Variants in ECRG4 observed in about 807,000 individuals in gnomAD.
The protein encoded by ECRG4 is augurin.
ECRG4 carries 18 observed loss-of-function variants against 15.8 expected under a neutral mutation model. The ratio of observed to expected loss-of-function variants is 1.14; its 90% CI spans 0.79 to 1.69. The LOEUF is 1.69. ECRG4 is among the 40% of genes most tolerant of loss of function. The pLI, the probability that ECRG4 is intolerant of heterozygous loss-of-function variation, is 0.00. For missense variants in ECRG4, 200 were observed against 190.9 expected, an observed-to-expected ratio of 1.05 and a Z score of -0.28; for synonymous variants, 82 against 73.9, an observed-to-expected ratio of 1.11 and a Z score of -0.56.
At chr2:106,067,246 C>T (rs1220143775) in intron 1 of ECRG4, among the ~76,000 whole-genome samples, 5 of 151,730 alleles carry the variant, frequency 3.3e-5, no homozygotes, top group Non-Finnish European at 1.5e-5. Flanking sequence ...GAGCTGAGAT[C>T]GTGCCATTGC....
chr2:106,075,311 G>T (rs761302846), intron 3 of ECRG4, among the ~76,000 whole-genome samples: 1 of 152,142 alleles, frequency 6.6e-6, no homozygotes, highest in African/African-American at 2.4e-5. Context: ...AGCAGCATCT[G>T]GTGTTCTCAT....
intron 1 of ECRG4, 51 bp downstream of exon 1, chr2:106,065,894 C>A (rs1418600962): frequency 4.9e-6 from 7 of 1,423,504 alleles, no homozygotes; most frequent in South Asian, 1.4e-5. Context: ...GGGTTGGCCC[C>A]ATGTGGCGCT....
chr2:106,066,191 G>A (rs142817201), intron 1 of ECRG4, among the ~76,000 whole-genome samples: 1 of 152,332 alleles, frequency 6.6e-6, no homozygotes, highest in African/African-American at 2.4e-5. Context: ...TTACGCAGCT[G>A]GTAACCCAGA....
At chr2:106,065,543 G>A (rs763620828), upstream of ECRG4, 381 of 373,258 alleles carry the variant, frequency 1.0e-3, 3 homozygotes, top group Middle Eastern at 3.6e-3. Context: ...CCTTGGGGCC[G>A]GGGCGGGAGA....
chr2:106,075,379 C>G (rs1396678340), intron 3 of ECRG4, among the ~76,000 whole-genome samples: 3 of 152,220 alleles, frequency 2.0e-5, no homozygotes, highest in African/African-American at 4.8e-5. Context: ...TATCCTCCTT[C>G]AGTAATTTGC....
At chr2:106,068,813 T>G (rs542845189) in intron 1 of ECRG4, among the ~76,000 whole-genome samples, 1 of 152,358 alleles carries the variant, frequency 6.6e-6, no homozygotes, top group African/African-American at 2.4e-5. Flanking sequence ...CATAGATTTC[T>G]TCATTGAATT....
upstream of ECRG4, chr2:106,065,647 A>AGCGACGCAGGG: frequency 1.4e-6 from 1 of 703,326 alleles, no homozygotes; most frequent in Non-Finnish European, 2.1e-6. Context: ...CCGCCCCGGC[A>AGCGACGCAGGG]GCGACGCAGG....
intron 3 of ECRG4, among the ~76,000 whole-genome samples, chr2:106,075,515 A>G (rs1185594183): frequency 6.6e-6 from 1 of 152,220 alleles, no homozygotes; most frequent in Non-Finnish European, 1.5e-5. Context: ...TGAGGTCAGG[A>G]GTTCAAGACC....
chr2:106,065,834 T>C lies in ECRG4; in HGVS notation c.70T>C (p.Trp24Arg). 3 of 1,482,314 alleles carry C rather than the reference T, an allele frequency of 2.0e-6. No homozygotes were observed. The highest frequency in any genetic ancestry group is 2.7e-6 in the Non-Finnish European group (3 of 1,123,354). The allele number at this position is 1,482,314 out of a possible 1,614,324, so 91.8% of individuals were successfully genotyped here. A position where few individuals can be genotyped will look rare whatever the true frequency, so the allele number is the denominator to read the frequency against. Reference protein sequence around the residue: ...TGLALLLLLCWGPGGISGNKL... With the variant: ...TGLALLLLLCRGPGGISGNKL... ...GCTGGCGCTGCTCCTGCTCCTGTGC[T>C]GGGGCCCAGGTGAGCGGGGCGATGC... The change falls in exon 1 of 4, where the codon TGG becomes CGG. Residue 24 changes from tryptophan (W) to arginine (R), a missense_variant. Transcript: ENST00000238044.
intron 1 of ECRG4, among the ~76,000 whole-genome samples, chr2:106,070,315 G>T (rs920378912): frequency 1.3e-5 from 2 of 152,190 alleles, no homozygotes; most frequent in African/African-American, 4.8e-5. Context: ...GTTCTAGCAG[G>T]TTCCCCGTCC....
chr2:106,067,241 G>A lies in ECRG4; in HGVS notation c.79+1398G>A, dbSNP rs893683324. ...TGGGAGGAGGAGATTGCGGCGAGCT[G>A]AGATCGTGCCATTGCACTCCAGCCT... On this transcript the variant is annotated intron_variant, in intron 1 of 3. Coordinates refer to ENST00000238044, the MANE Select transcript of ECRG4 (RefSeq NM_032411.3). Among the ~76,000 whole-genome samples, 5 of 151,926 alleles carry A rather than the reference G, an allele frequency of 3.3e-5. No individual in the cohort carries two copies. The South Asian group carries it at 8.3e-4, about 25-fold the overall frequency.
At chr2:106,065,913 G>A in intron 1 of ECRG4, 70 bp downstream of exon 1, 1 of 1,328,368 alleles carries the variant, frequency 7.5e-7, no homozygotes, top group Non-Finnish European at 9.9e-7. Context: ...CTTCCATGGT[G>A]CCCGGGGAGA....
In ECRG4 at chr2:106,077,878, C is replaced by A; in HGVS notation, c.399C>A (p.Ser133Arg). Residue 133 changes from serine (S) to arginine (R), a missense_variant, in exon 4 of 4, where the codon AGC becomes AGA. Transcript: ENST00000238044. ...AAGACTCTGCAATTGGTCCCCGGAG[C>A]CCCTACGGCTTTAGGCATGGAGCCA... ...YDEDSAIGPR[S>R]PYGFRHGASV... The A allele has an allele frequency of 6.2e-6, 10 of 1,614,178 alleles. No individual in the cohort carries two copies. The highest frequency in any genetic ancestry group is 2.2e-5 in the East Asian group (1 of 44,858).
At position 106,074,062 on chromosome 2, in the gene ECRG4, T is replaced by G; in HGVS notation, c.285+19T>G. 3 of 1,608,754 alleles carry G rather than the reference T, an allele frequency of 1.9e-6. No individual in the cohort carries two copies. Among genetic ancestry groups the G allele is most frequent in the East Asian group, 2.2e-5 (1 of 44,788 alleles). On this transcript the variant is annotated intron_variant, in intron 3 of 3. Coordinates refer to ENST00000238044, the MANE Select transcript of ECRG4 (RefSeq NM_032411.3). The stretch of plus-strand genomic sequence containing the variant: ...CGAAGCGGTAGGTGTTGCCTCCGGC[T>G]GCAGGCCTGGCTTCCACAGGGAAGG...
chr2:106,064,673 G>A (rs1016631309), upstream of ECRG4, among the ~76,000 whole-genome samples: 2 of 152,134 alleles, frequency 1.3e-5, no homozygotes, highest in Non-Finnish European at 2.9e-5. Flanking sequence ...GTGAAACTCC[G>A]TCTCAGGGAG....
Position 106,075,700 on chromosome 2 carries a change from C to T in ECRG4, c.285+1657C>T, listed in dbSNP as rs185687168. Among the ~76,000 whole-genome samples the T allele has an allele frequency of 3.5e-3, 530 of 151,006 alleles. 2 individuals are homozygous for T. The highest frequency in any genetic ancestry group is 9.9e-3 in the African/African-American group (406 of 40,998). ...TCGCACCACTGCACTCCAGCCTGGG[C>T]AACAGAATGAGACTCCGTCTCAAAA... On this transcript the variant is annotated intron_variant, in intron 3 of 3. Coordinates refer to ENST00000238044, the MANE Select transcript of ECRG4 (RefSeq NM_032411.3).
At chr2:106,075,805 C>T (rs1038947235) in intron 3 of ECRG4, among the ~76,000 whole-genome samples, 2 of 152,110 alleles carry the variant, frequency 1.3e-5, no homozygotes, top group East Asian at 3.8e-4. Flanking sequence ...AGATGAGGAT[C>T]AAATAAGATT....
At chr2:106,068,901 G>C (rs1461513070) in intron 1 of ECRG4, among the ~76,000 whole-genome samples, 1 of 152,208 alleles carries the variant, frequency 6.6e-6, no homozygotes. Flanking sequence ...ACAGTAGCCT[G>C]GTCAAGTGCT....
chr2:106,063,605 T>C (rs1015987887), upstream of ECRG4, among the ~76,000 whole-genome samples: 1 of 152,156 alleles, frequency 6.6e-6, no homozygotes, highest in Non-Finnish European at 1.5e-5. Context: ...TTTTTTTAGA[T>C]AGTGTCTCGC....
Sources: allele counts gnomAD v4.1 joint callset (sites outside exome capture counted in the v4.1 genomes callset), GRCh38; gene constraint gnomAD v4.1.1; transcripts MANE v1.5; gene names NCBI Gene and HGNC (gene_info 2026-07-23, HGNC 2026-07-21).